GPHN: variants seen among roughly 807,000 people sequenced by gnomAD.
The protein encoded by GPHN is gephyrin.
GPHN carries 17 observed loss-of-function variants against 95.5 expected under a neutral mutation model. That is an observed-to-expected ratio of 0.18 (90% CI 0.12 to 0.27). The LOEUF (loss-of-function observed/expected upper bound fraction) is 0.27, where lower values mean the gene tolerates loss of function less well. GPHN is among the 10% of genes least tolerant of loss of function. The probability of loss-of-function intolerance (pLI) is 1.00; values close to 1 mark genes in which losing one functional copy is unlikely to be tolerated. For synonymous variants in GPHN, 320 were observed against 322.5 expected, an observed-to-expected ratio of 0.99 and a Z score of 0.08; for missense variants, 660 against 978.1, an observed-to-expected ratio of 0.67 and a Z score of 4.34.
At chr14:67,004,243 A>G (rs2072444556) in intron 9 of GPHN, among the ~76,000 whole-genome samples, 1 of 151,820 alleles carries the variant, frequency 6.6e-6, no homozygotes, top group Non-Finnish European at 1.5e-5. Flanking sequence ...TTAAAAGACC[A>G]TAATGGTTTG....
chr14:67,691,204 C>T, the GPHN span: 10 of 1,614,012 alleles, frequency 6.2e-6, no homozygotes, highest in African/African-American at 1.3e-5. Flanking sequence ...GACACATCAT[C>T]ACTCCTGCAT....
the GPHN span, among the ~76,000 whole-genome samples, chr14:67,625,278 C>A: frequency 6.6e-6 from 1 of 152,040 alleles, no homozygotes; most frequent in Admixed American, 6.6e-5. Flanking sequence ...ATTTTTGCGA[C>A]CTTGGGTTAG....
At chr14:66,788,849 G>A (rs1463519691) in intron 3 of GPHN, among the ~76,000 whole-genome samples, 2 of 151,934 alleles carry the variant, frequency 1.3e-5, no homozygotes, top group Non-Finnish European at 2.9e-5. Context: ...GTAGAGATGG[G>A]GTTTCACCAT....
intron 3 of GPHN, among the ~76,000 whole-genome samples, chr14:66,776,926 G>A (rs1334623832): frequency 6.6e-6 from 1 of 151,820 alleles, no homozygotes; most frequent in Non-Finnish European, 1.5e-5. Context: ...TAGGGTACAT[G>A]TGCACAATGT....
intron 4 of GPHN, among the ~76,000 whole-genome samples, chr14:66,834,437 C>A (rs1030530882): frequency 6.6e-6 from 1 of 152,046 alleles, no homozygotes; most frequent in African/African-American, 2.4e-5. Flanking sequence ...CCCATCAATA[C>A]CTAATTTATT....
the GPHN span, among the ~76,000 whole-genome samples, chr14:67,238,708 A>G: frequency 3.3e-5 from 5 of 151,930 alleles, no homozygotes; most frequent in African/African-American, 1.2e-4. Flanking sequence ...CAGTGGTGTG[A>G]TCTCAGCTTA....
At chr14:67,483,579 C>A in the GPHN span, among the ~76,000 whole-genome samples, 1 of 151,880 alleles carries the variant, frequency 6.6e-6, no homozygotes, top group Admixed American at 6.6e-5. Context: ...CTAAAGGCTC[C>A]CAGCCTGTTC....
intron 3 of GPHN, among the ~76,000 whole-genome samples, chr14:66,819,632 T>G (rs1405629878): frequency 7.2e-5 from 11 of 152,046 alleles, no homozygotes; most frequent in Non-Finnish European, 2.9e-5. Context: ...TTTTTGCTTT[T>G]GTTTTTGTTT....
chr14:67,439,993 C>G, the GPHN span, among the ~76,000 whole-genome samples: 1 of 152,046 alleles, frequency 6.6e-6, no homozygotes, highest in African/African-American at 2.4e-5. Context: ...TGTGTGCCAG[C>G]CCCAGCTAAT....
chr14:67,666,163 G>A, the GPHN span, among the ~76,000 whole-genome samples: 1 of 152,226 alleles, frequency 6.6e-6, no homozygotes, highest in African/African-American at 2.4e-5. Flanking sequence ...GTACACATAT[G>A]TACATTCCCT....
chr14:67,524,200 G>A, the GPHN span, among the ~76,000 whole-genome samples: 14 of 152,140 alleles, frequency 9.2e-5, no homozygotes, highest in Admixed American at 7.9e-4. Flanking sequence ...CAATCTTCCC[G>A]CCTCAGCCTA....
chr14:66,822,241 C>T (rs1218996192), intron 3 of GPHN, among the ~76,000 whole-genome samples: 7 of 152,176 alleles, frequency 4.6e-5, no homozygotes, highest in African/African-American at 1.7e-4. Context: ...TGAGCCACTG[C>T]GTCCAGCCAA....
chr14:67,209,648 T>C, the GPHN span, among the ~76,000 whole-genome samples: 6 of 150,368 alleles, frequency 4.0e-5, no homozygotes, highest in Admixed American at 6.6e-5. Context: ...TGAAACCCCG[T>C]CTCTACTAAA....
chr14:67,396,128 T>C, the GPHN span, among the ~76,000 whole-genome samples: 2 of 151,720 alleles, frequency 1.3e-5, no homozygotes, highest in African/African-American at 2.4e-5. Flanking sequence ...CCAGGTCGCT[T>C]TGTTTTTTTG....
chr14:67,476,506 G>A, the GPHN span, among the ~76,000 whole-genome samples: 1 of 152,226 alleles, frequency 6.6e-6, no homozygotes, highest in African/African-American at 2.4e-5. Flanking sequence ...AAAATTGCTT[G>A]AACCCAGGAG....
chr14:66,799,515 A>C (rs187431555), intron 3 of GPHN, among the ~76,000 whole-genome samples: 76 of 151,954 alleles, frequency 5.0e-4, no homozygotes, highest in Non-Finnish European at 1.0e-3. Context: ...TACATATTTA[A>C]AATTTTTATA....
intron 17 of GPHN, among the ~76,000 whole-genome samples, chr14:67,141,853 C>T (rs553437197): frequency 1.1e-4 from 17 of 152,198 alleles, no homozygotes; most frequent in Admixed American, 9.8e-4. Flanking sequence ...CACTAACTTT[C>T]CTTCTTCCTC....
the GPHN span, chr14:67,727,217 AAAATGGTCCTCAGACC>A: frequency 6.3e-7 from 1 of 1,587,704 alleles, no homozygotes; most frequent in Non-Finnish European, 8.6e-7. Context: ...AGGAATAGCA[AAAATGGTCCTCAGACC>A]AAATTAGAGG....
intron 2 of GPHN, among the ~76,000 whole-genome samples, chr14:66,700,295 A>G (rs552382804): frequency 1.3e-5 from 2 of 152,334 alleles, no homozygotes; most frequent in East Asian, 3.9e-4. Flanking sequence ...CTAGAAATTT[A>G]ACGAATATTT....
Sources: allele counts gnomAD v4.1 joint callset (sites outside exome capture counted in the v4.1 genomes callset), GRCh38; gene constraint gnomAD v4.1.1; transcripts MANE v1.5; gene names NCBI Gene and HGNC (gene_info 2026-07-23, HGNC 2026-07-21).